The following COL15A1 variants were observed in gnomAD, a reference collection of about 807,000 sequenced individuals.
COL15A1 encodes the protein collagen alpha-1(XV) chain.
In COL15A1, 111 loss-of-function variants were observed where a neutral mutation model predicts 165.9. The ratio of observed to expected loss-of-function variants is 0.67; its 90% CI spans 0.57 to 0.78. The LOEUF (loss-of-function observed/expected upper bound fraction) is 0.78, where lower values mean the gene tolerates loss of function less well. Ranked by LOEUF, COL15A1 falls within the 30% of genes least tolerant of loss-of-function variation. COL15A1 has a pLI of 0.00. For synonymous variants in COL15A1, 659 were observed against 674.8 expected, an observed-to-expected ratio of 0.98 and a Z score of 0.36; for missense variants, 1,745 against 1,789.7, an observed-to-expected ratio of 0.98 and a Z score of 0.45.
intron 2 of COL15A1, among the ~76,000 whole-genome samples, chr9:98,969,721 C>T (rs914203938): frequency 3.9e-5 from 6 of 152,200 alleles, no homozygotes; most frequent in Admixed American, 1.3e-4. Context: ...GGGTGTGCTT[C>T]CTGGAGTGGG....
At chr9:98,965,580 C>A (rs1033764100) in intron 2 of COL15A1, among the ~76,000 whole-genome samples, 1 of 152,200 alleles carries the variant, frequency 6.6e-6, no homozygotes, top group East Asian at 1.9e-4. Flanking sequence ...GAGGCTATCT[C>A]GGGGTCCCAT....
intron 2 of COL15A1, among the ~76,000 whole-genome samples, chr9:98,959,227 CAAAA>C (rs60892848): frequency 9.6e-5 from 7 of 73,218 alleles, no homozygotes; most frequent in South Asian, 1.1e-3. Context: ...CCTGTCTCTA[CAAAA>C]AAAAAAAAAA....
At position 98,986,097 on chromosome 9, in the gene COL15A1, G is replaced by T; in HGVS notation, c.633G>T (p.Gly211=). ...GIFMGNAGAT[G]LERFTGSLQQ... ...TCATGGGCAATGCAGGAGCTACAGG[G>T]CTCGAGAGATTCACTGTGAGTTAAA... The change falls in exon 3 of 42, where the codon GGG becomes GGT. Residue 211 remains glycine, a synonymous_variant. Coordinates refer to ENST00000375001, the MANE Select transcript of COL15A1 (RefSeq NM_001855.5). 1 of 1,612,720 alleles carries T rather than the reference G, an allele frequency of 6.2e-7. No individual in the cohort carries two copies. The highest frequency in any genetic ancestry group is 2.2e-5 in the East Asian group (1 of 44,876).
intron 40 of COL15A1, among the ~76,000 whole-genome samples, chr9:99,068,232 G>A (rs1170737348): frequency 3.9e-5 from 6 of 152,068 alleles, no homozygotes; most frequent in East Asian, 3.9e-4. Context: ...TTGGGAGGCC[G>A]AGGTGGGTGG....
chr9:99,022,067 C>A, intron 12 of COL15A1, 24 bp from the exon 13 acceptor site: 1 of 1,613,764 alleles, frequency 6.2e-7, no homozygotes, highest in Non-Finnish European at 8.5e-7. Flanking sequence ...TCCAGCCGTT[C>A]ACTGACCATT....
chr9:99,026,880 C>G (rs1839135581), intron 16 of COL15A1, among the ~76,000 whole-genome samples: 1 of 152,216 alleles, frequency 6.6e-6, no homozygotes, highest in Non-Finnish European at 1.5e-5. Flanking sequence ...TCCTCACCCC[C>G]ACCCTGACAT....
intron 40 of COL15A1, among the ~76,000 whole-genome samples, chr9:99,067,740 A>G (rs917428036): frequency 6.6e-6 from 1 of 152,060 alleles, no homozygotes; most frequent in Non-Finnish European, 1.5e-5. Context: ...CTAACCCCAT[A>G]CCCAGCACTT....
At position 99,063,098 on chromosome 9, in the gene COL15A1, G is replaced by A; in HGVS notation, c.3640G>A (p.Glu1214Lys). 1.3e-6 allele frequency: 2 copies of A among 1,582,860 alleles called. No homozygotes were observed. Among genetic ancestry groups the A allele is most frequent in the Admixed American group, 3.9e-5 (2 of 51,478 alleles). ...AAACCCTATTTCAAGTGCCAATTAT[G>A]AGAAGCCTGCTGTAAGTACAATTTA... Reference protein sequence around the residue: ...PPNPISSANYEKPALHLAALN... With the variant: ...PPNPISSANYKKPALHLAALN... Residue 1214 changes from glutamate (E) to lysine (K), a missense_variant, in exon 39 of 42, where the codon GAG becomes AAG. Glu to Lys is a moderately conservative substitution (Grantham distance 56, BLOSUM62 1). Coordinates refer to ENST00000375001, the MANE Select transcript of COL15A1 (RefSeq NM_001855.5).
chr9:98,988,174 GA>G (rs1192970545), intron 4 of COL15A1, among the ~76,000 whole-genome samples: 3 of 152,276 alleles, frequency 2.0e-5, no homozygotes, highest in Non-Finnish European at 4.4e-5. Flanking sequence ...AACATAAATT[GA>G]TTTTGTTAAC....
At chr9:99,068,394 G>T (rs1825930181) in intron 40 of COL15A1, among the ~76,000 whole-genome samples, 161 bp from the exon 41 acceptor site, 2 of 151,466 alleles carry the variant, frequency 1.3e-5, no homozygotes, top group Admixed American at 1.3e-4. Flanking sequence ...GAACCTGGGA[G>T]GTGGAGGTTG....
intron 18 of COL15A1, 59 bp downstream of exon 18, chr9:99,035,213 AC>A (rs887631131): frequency 1.3e-6 from 2 of 1,576,486 alleles, no homozygotes; most frequent in African/African-American, 2.7e-5. Context: ...TACTAGAAAG[AC>A]CAGCTAGCTA....
At chr9:99,021,515 C>T (rs1839026917) in intron 12 of COL15A1, among the ~76,000 whole-genome samples, 1 of 152,164 alleles carries the variant, frequency 6.6e-6, no homozygotes, top group South Asian at 2.1e-4. Flanking sequence ...CCTGGGATGC[C>T]ACTCTGTCAT....
intron 2 of COL15A1, among the ~76,000 whole-genome samples, chr9:98,946,168 A>C (rs536861110): frequency 3.3e-5 from 5 of 152,240 alleles, no homozygotes; most frequent in Admixed American, 6.5e-5. Flanking sequence ...AGGTGTGAAC[A>C]TGTTCATATT....
intron 2 of COL15A1, among the ~76,000 whole-genome samples, chr9:98,956,191 A>G (rs1026711337): frequency 1.8e-4 from 28 of 152,234 alleles, no homozygotes; most frequent in African/African-American, 6.5e-4. Flanking sequence ...CTGTGGTCCC[A>G]GCTACTTGGG....
At position 99,062,028 on chromosome 9, in the gene COL15A1, G is replaced by A. The variant is rs147815900; in HGVS notation, c.3460G>A (p.Gly1154Arg). The A allele has an allele frequency of 3.1e-6, 5 of 1,613,884 alleles. No individual in the cohort carries two copies. The African/African-American group carries it at 5.3e-5, about 17-fold the overall frequency. ...MLQKAHLVIEGTFIYLRDSTE... is the reference protein window; with the variant it reads ...MLQKAHLVIERTFIYLRDSTE... ...GCAGAAAGCGCATTTGGTTATAGAA[G>A]GAACATTCATCTACCTGAGGGACAG... Residue 1154 changes from glycine (G) to arginine (R), a missense_variant, in exon 37 of 42, where the codon GGA (glycine) becomes AGA (arginine). Gly to Arg is a moderately radical substitution (Grantham distance 125). Transcript: ENST00000375001.
chr9:99,063,852 G>A (rs183276072), intron 39 of COL15A1, among the ~76,000 whole-genome samples: 1 of 152,210 alleles, frequency 6.6e-6, no homozygotes, highest in Non-Finnish European at 1.5e-5. Flanking sequence ...GATGAGAAAG[G>A]TCAAGAATGA....
intron 3 of COL15A1, among the ~76,000 whole-genome samples, chr9:98,986,899 G>A (rs1042990116): frequency 2.0e-5 from 3 of 152,182 alleles, no homozygotes; most frequent in African/African-American, 4.8e-5. Context: ...GGGAGGCTGT[G>A]GTAGCCCTTC....
At chr9:98,969,725 G>A (rs949005870) in intron 2 of COL15A1, among the ~76,000 whole-genome samples, 9 of 152,242 alleles carry the variant, frequency 5.9e-5, no homozygotes, top group African/African-American at 2.2e-4. Flanking sequence ...GTGCTTCCTG[G>A]AGTGGGTCAG....
chr9:98,991,185 C>T lies in COL15A1; in HGVS notation c.804+1927C>T, dbSNP rs1418894498. Reference sequence around the variant, plus strand: ...TATTGCAAAGAGCAAAAGAACAAAGCTTCCACAATGGGAAAAGGACCTCAC... The same window carrying T: ...TATTGCAAAGAGCAAAAGAACAAAGTTTCCACAATGGGAAAAGGACCTCAC... On this transcript the variant is annotated intron_variant, in intron 5 of 41. Transcript: ENST00000375001. Among the ~76,000 whole-genome samples, 3 of 152,328 alleles carry T rather than the reference C, an allele frequency of 2.0e-5. No individual in the cohort carries two copies. The East Asian group carries it at 5.8e-4, about 29-fold the overall frequency.
Sources: allele counts gnomAD v4.1 joint callset (sites outside exome capture counted in the v4.1 genomes callset), GRCh38; gene constraint gnomAD v4.1.1; transcripts MANE v1.5; gene names NCBI Gene and HGNC (gene_info 2026-07-23, HGNC 2026-07-21).